Variants in FTO observed in about 807,000 individuals in gnomAD.
The protein encoded by FTO is FTO alpha-ketoglutarate dependent dioxygenase, also known as alpha-ketoglutarate-dependent dioxygenase FTO.
A neutral mutation model predicts 63.9 loss-of-function variants in FTO; 47 were observed. The ratio of observed to expected loss-of-function variants is 0.74; its 90% CI spans 0.58 to 0.94. The LOEUF is 0.94. Ranked by LOEUF, FTO falls within the 40% of genes least tolerant of loss-of-function variation. FTO has a pLI of 0.00. For synonymous variants in FTO, 207 were observed against 224.4 expected, an observed-to-expected ratio of 0.92 and a Z score of 0.69; for missense variants, 562 against 618.1, an observed-to-expected ratio of 0.91 and a Z score of 0.96.
chr16:53,783,485 G>A (rs552902701), intron 1 of FTO, among the ~76,000 whole-genome samples: 189 of 151,254 alleles, frequency 1.2e-3, no homozygotes, highest in African/African-American at 4.4e-3. Flanking sequence ...GCGGGCGCCT[G>A]TAGTCCCAGC....
In FTO at chr16:54,003,914, AT is replaced by A. The variant is rs1384584172; in HGVS notation, c.1364+69807del. ...AATATAATTTTTGTGAGAACATTAT[AT>A]TACTCTGAAACAGAGAACAGTACTC... On this transcript the variant is annotated intron_variant, in intron 8 of 8. Transcript: ENST00000471389. Among the ~76,000 whole-genome samples, 3 of 152,220 alleles carry A rather than the reference AT, an allele frequency of 2.0e-5. No individual in the cohort carries two copies. The East Asian group carries it at 5.8e-4, about 29-fold the overall frequency.
At chr16:53,932,546 C>G (rs1008328779) in intron 7 of FTO, among the ~76,000 whole-genome samples, 1 of 151,994 alleles carries the variant, frequency 6.6e-6, no homozygotes, top group Non-Finnish European at 1.5e-5. Flanking sequence ...CACGCCACCA[C>G]GCCTGGCAAA....
In FTO at chr16:53,754,098, C is replaced by T. The variant is rs368127271; in HGVS notation, c.45+49869C>T. Among the ~76,000 whole-genome samples the T allele has an allele frequency of 1.6e-4, 24 of 152,262 alleles. No individual in the cohort carries two copies. The South Asian group carries it at 5.0e-3, about 32-fold the overall frequency. Reference sequence around the variant, plus strand: ...TTATGATCCCTCTTTTAGCTAGGCCCTATTTACAAATTTTGTAAATTTAGA... The same window carrying T: ...TTATGATCCCTCTTTTAGCTAGGCCTTATTTACAAATTTTGTAAATTTAGA... On this transcript the variant is annotated intron_variant, in intron 1 of 8. Transcript: ENST00000471389.
At chr16:53,891,494 C>G (rs2151910637) in intron 7 of FTO, among the ~76,000 whole-genome samples, 1 of 151,920 alleles carries the variant, frequency 6.6e-6, no homozygotes, top group East Asian at 1.9e-4. Context: ...GACTTTGTCT[C>G]TACTAAATTA....
At chr16:53,717,379 A>G (rs2151479386) in intron 1 of FTO, among the ~76,000 whole-genome samples, 2 of 152,210 alleles carry the variant, frequency 1.3e-5, no homozygotes, top group Admixed American at 1.3e-4. Flanking sequence ...TAATTATTAT[A>G]TTTGGTTGAA....
chr16:53,940,115 C>A (rs150684652), intron 8 of FTO, among the ~76,000 whole-genome samples: 1 of 151,988 alleles, frequency 6.6e-6, no homozygotes, highest in East Asian at 1.9e-4. Flanking sequence ...CCACCAAGAA[C>A]GCACAAAGTT....
At chr16:53,977,892 T>C (rs1310589379) in intron 8 of FTO, among the ~76,000 whole-genome samples, 4 of 151,704 alleles carry the variant, frequency 2.6e-5, no homozygotes, top group Non-Finnish European at 5.9e-5. Flanking sequence ...AGGGTCTTGC[T>C]TTGGTGTTCA....
At chr16:53,839,800 TTTA>T (rs1198863471) in intron 3 of FTO, among the ~76,000 whole-genome samples, 1 of 99,204 alleles carries the variant, frequency 1.0e-5, no homozygotes, top group Non-Finnish European at 1.9e-5. Context: ...TATTTATTTA[TTTA>T]TTTATTTATT....
chr16:54,018,661 G>T (rs1310915783), intron 8 of FTO, among the ~76,000 whole-genome samples: 2 of 152,152 alleles, frequency 1.3e-5, no homozygotes, highest in Non-Finnish European at 2.9e-5. Flanking sequence ...AAATTCTCAT[G>T]AGATCTGATG....
intron 1 of FTO, among the ~76,000 whole-genome samples, chr16:53,708,960 C>T (rs1362785092): frequency 6.6e-6 from 1 of 152,062 alleles, no homozygotes; most frequent in East Asian, 1.9e-4. Flanking sequence ...CATTATCTTC[C>T]ATTCATCTAG....
chr16:53,748,107 T>G (rs2076691449), intron 1 of FTO, among the ~76,000 whole-genome samples: 1 of 152,218 alleles, frequency 6.6e-6, no homozygotes, highest in South Asian at 2.1e-4. Flanking sequence ...AGCTTTGTTC[T>G]TTTTGTGCAT....
chr16:53,984,832 A>T, intron 8 of FTO: 1 of 427,212 alleles, frequency 2.3e-6, no homozygotes, highest in East Asian at 7.0e-5. Flanking sequence ...TTATTTTAAT[A>T]TTGATTCTTT....
chr16:54,037,438 C>T (rs1438228653), intron 8 of FTO, among the ~76,000 whole-genome samples: 1 of 152,234 alleles, frequency 6.6e-6, no homozygotes, highest in Non-Finnish European at 1.5e-5. Context: ...GTTCACCCAA[C>T]TCTACCCTCC....
intron 3 of FTO, among the ~76,000 whole-genome samples, chr16:53,837,780 GAAAA>G (rs2151803285): frequency 6.6e-6 from 1 of 152,284 alleles, no homozygotes; most frequent in South Asian, 2.1e-4. Flanking sequence ...AACGTGTCTA[GAAAA>G]AGTGTAGTAA....
chr16:53,928,136 A>G (rs1175146393), intron 7 of FTO, among the ~76,000 whole-genome samples: 1 of 152,230 alleles, frequency 6.6e-6, no homozygotes. Flanking sequence ...TTGAGCAGCC[A>G]GCACTCTAAA....
chr16:53,839,998 T>G (rs1380345226), intron 3 of FTO, among the ~76,000 whole-genome samples: 1 of 151,714 alleles, frequency 6.6e-6, no homozygotes, highest in Admixed American at 6.6e-5. Context: ...AGAGATGGGG[T>G]TTCACCATGT....
intron 8 of FTO, among the ~76,000 whole-genome samples, chr16:53,974,483 C>T (rs1250564035): frequency 1.3e-5 from 2 of 152,196 alleles, no homozygotes; most frequent in Non-Finnish European, 2.9e-5. Flanking sequence ...ATCATGCAAA[C>T]CTTTCACTAT....
chr16:54,006,350 T>A (rs2084204727), intron 8 of FTO, among the ~76,000 whole-genome samples: 1 of 152,198 alleles, frequency 6.6e-6, no homozygotes. Flanking sequence ...AAGATTTGGA[T>A]CAGAAAGATT....
intron 8 of FTO, among the ~76,000 whole-genome samples, chr16:54,010,481 A>G (rs2084310021): frequency 6.6e-6 from 1 of 152,182 alleles, no homozygotes; most frequent in African/African-American, 2.4e-5. Context: ...GTAAATCTTC[A>G]ATAAAATGTA....
Sources: allele counts gnomAD v4.1 joint callset (sites outside exome capture counted in the v4.1 genomes callset), GRCh38; gene constraint gnomAD v4.1.1; transcripts MANE v1.5; gene names NCBI Gene and HGNC (gene_info 2026-07-23, HGNC 2026-07-21).